Variants in G3BP1 observed in about 807,000 individuals in gnomAD.
G3BP1 encodes the protein G3BP stress granule assembly factor 1, also known as ras GTPase-activating protein-binding protein 1.
Under a neutral mutation model 58.6 loss-of-function variants are expected in G3BP1, and 35 were observed. That is an observed-to-expected ratio of 0.60 (90% CI 0.46 to 0.79). The LOEUF (loss-of-function observed/expected upper bound fraction) is 0.79, where lower values mean the gene tolerates loss of function less well. Ranked by LOEUF, G3BP1 falls within the 30% of genes least tolerant of loss-of-function variation. The pLI, the probability that G3BP1 is intolerant of heterozygous loss-of-function variation, is 0.00. For missense variants in G3BP1, 523 were observed against 580.8 expected (o/e 0.90, Z 1.02); for synonymous variants, 191 against 195.4 (o/e 0.98, Z 0.19).
At chr5:151,790,155 C>A (rs993273849) in intron 2 of G3BP1, among the ~76,000 whole-genome samples, 168 bp from the exon 3 acceptor site, 1 of 150,306 alleles carries the variant, frequency 6.7e-6, no homozygotes, top group African/African-American at 2.5e-5. Context: ...ATCATAGCCC[C>A]GGCACATCGA....
At chr5:151,791,742 C>T (rs548653473) in intron 4 of G3BP1, 60 of 180,790 alleles carry the variant, frequency 3.3e-4, no homozygotes, top group South Asian at 3.0e-3. Flanking sequence ...CTGCAACCTC[C>T]GCCTCCTGGT....
intron 1 of G3BP1, among the ~76,000 whole-genome samples, chr5:151,777,039 C>G (rs1762384334): frequency 6.6e-6 from 1 of 152,020 alleles, no homozygotes. Context: ...CAGAATCAAC[C>G]ATTTCTCCAA....
At chr5:151,795,861 A>G (rs1762740179) in intron 6 of G3BP1, among the ~76,000 whole-genome samples, 1 of 152,200 alleles carries the variant, frequency 6.6e-6, no homozygotes, top group Admixed American at 6.5e-5. Context: ...CATATTGTTT[A>G]TCAAGAGTTG....
Position 151,799,977 on chromosome 5 carries a change from C to T in G3BP1, c.932C>T (p.Pro311Leu), listed in dbSNP as rs1339102214. ...QRVREQRINI[P>L]PQRGPRPIRE... ...GTGCGAGAACAACGAATAAATATTCCTCCCCAAAGGGGACCCAGACCAAGT... is the reference window on the plus strand; with the variant it reads ...GTGCGAGAACAACGAATAAATATTCTTCCCCAAAGGGGACCCAGACCAAGT... Residue 311 changes from proline to leucine, a missense_variant, in exon 9 of 12, where the codon CCT becomes CTT. Pro to Leu is a moderately conservative substitution (Grantham distance 98). This residue lies in a region of G3BP1 where 398 missense variants were observed against 399.1 expected (regional missense o/e 1.00). Coordinates refer to ENST00000356245, the MANE Select transcript of G3BP1 (RefSeq NM_005754.3). 4 of 1,608,952 alleles carry T rather than the reference C, an allele frequency of 2.5e-6. No homozygotes were observed. In the Admixed American group the frequency reaches 6.7e-5, roughly 27 times the overall value.
chr5:151,778,170 C>G (rs1360363672), intron 1 of G3BP1, among the ~76,000 whole-genome samples: 1 of 152,164 alleles, frequency 6.6e-6, no homozygotes, highest in African/African-American at 2.4e-5. Context: ...TTTAAAGAAA[C>G]TCCCTGTTTT....
chr5:151,784,013 G>A (rs1253076365), intron 1 of G3BP1, among the ~76,000 whole-genome samples: 2 of 152,058 alleles, frequency 1.3e-5, no homozygotes, highest in African/African-American at 2.4e-5. Context: ...CGCTCGCCTC[G>A]GCCTCCGAAA....
chr5:151,787,017 A>ATTT (rs1184904343), intron 2 of G3BP1: 4 of 116,492 alleles, frequency 3.4e-5, no homozygotes, highest in South Asian at 2.6e-4. Context: ...TAATTTTTGT[A>ATTT]TTTTTTTTTT....
In G3BP1 at chr5:151,802,160, GTA is replaced by G. The variant is rs935983944; in HGVS notation, c.1194+1293_1194+1294del. ...TTGTGGTTATAACATGTCAACCTGA[GTA>G]TGCAAATATACATTATCTTTCAAAT... On this transcript the variant is annotated intron_variant, in intron 11 of 11. Coordinates refer to ENST00000356245, the MANE Select transcript of G3BP1 (RefSeq NM_005754.3). 5.9e-5 allele frequency among the ~76,000 whole-genome samples: 9 copies of G among 152,286 alleles called. No individual in the cohort carries two copies. In the East Asian group the frequency reaches 1.5e-3, roughly 26 times the overall value.
At position 151,806,817 on chromosome 5, in the gene G3BP1, A is replaced by G. The variant is rs1365209984; in HGVS notation, c.*2726A>G. On this transcript the variant is annotated 3_prime_UTR_variant, in exon 12 of 12. Coordinates refer to ENST00000356245, the MANE Select transcript of G3BP1 (RefSeq NM_005754.3). ...TTTTTTTTTAAATTTTTATTTTTAT[A>G]GAGGCAAGGTCTTGCTATGTTGTCA... 6.6e-6 allele frequency: 1 copy of G among 152,038 alleles called. No individual in the cohort carries two copies. The highest frequency in any genetic ancestry group is 1.5e-5 in the Non-Finnish European group (1 of 68,006). The allele number at this position is 152,038 out of a possible 1,614,324, so 9.4% of individuals were successfully genotyped here.
intron 11 of G3BP1, among the ~76,000 whole-genome samples, chr5:151,802,739 C>G (rs1054671360): frequency 5.9e-5 from 9 of 152,200 alleles, no homozygotes; most frequent in Non-Finnish European, 1.0e-4. Flanking sequence ...TGAGACCATC[C>G]TGGCTAACAC....
chr5:151,782,849 C>CTTTTTT (rs796501774), intron 1 of G3BP1, among the ~76,000 whole-genome samples: 1 of 73,898 alleles, frequency 1.4e-5, no homozygotes, highest in African/African-American at 5.5e-5. Context: ...TGTGACTCAT[C>CTTTTTT]TTTTTTTTTT....
chr5:151,776,977 C>T (rs1489323766), intron 1 of G3BP1, among the ~76,000 whole-genome samples: 1 of 139,132 alleles, frequency 7.2e-6, no homozygotes, highest in Non-Finnish European at 1.6e-5. Context: ...TTTTTTCTTT[C>T]ATTAATTACC....
In G3BP1 at chr5:151,793,824, C is replaced by T. The variant is rs1455143930; in HGVS notation, c.352-335C>T. On this transcript the variant is annotated intron_variant, in intron 4 of 11. Coordinates refer to ENST00000356245, the MANE Select transcript of G3BP1 (RefSeq NM_005754.3). ...TCCGGGCAATATAACAAGATCCCGT[C>T]TCTACTCAAAAAAAAAAAAAAAAAA... is the stretch of plus-strand genomic sequence containing the variant. Among the ~76,000 whole-genome samples, 4 of 124,916 alleles carry T rather than the reference C, an allele frequency of 3.2e-5. No individual in the cohort carries two copies. The East Asian group carries it at 8.8e-4, about 28-fold the overall frequency. 81.9% of individuals were successfully genotyped at this position (124,916 alleles called of 152,430 possible). A position where few individuals can be genotyped will look rare whatever the true frequency, so the allele number is the denominator to read the frequency against.
At chr5:151,790,591 T>G (rs1261450589) in intron 3 of G3BP1, among the ~76,000 whole-genome samples, 187 bp downstream of exon 3, 2 of 152,230 alleles carry the variant, frequency 1.3e-5, no homozygotes, top group Non-Finnish European at 2.9e-5. Flanking sequence ...TCAGATTTGT[T>G]AATTTTGTAT....
At chr5:151,777,844 T>A (rs1762399766) in intron 1 of G3BP1, among the ~76,000 whole-genome samples, 1 of 152,210 alleles carries the variant, frequency 6.6e-6, no homozygotes, top group Non-Finnish European at 1.5e-5. Context: ...TCCACCCTTC[T>A]CCCTGCAGGA....
chr5:151,776,341 T>C (rs900623505), intron 1 of G3BP1, among the ~76,000 whole-genome samples: 18 of 152,214 alleles, frequency 1.2e-4, no homozygotes, highest in African/African-American at 4.3e-4. Flanking sequence ...CTTTAGATAC[T>C]ATTCCTTAGA....
In G3BP1 at chr5:151,800,889, GAT is replaced by G; in HGVS notation, c.1194+21_1194+22del. 1 of 979,678 alleles carries G rather than the reference GAT, an allele frequency of 1.0e-6. No individual in the cohort carries two copies. The highest frequency in any genetic ancestry group is 1.5e-6 in the Non-Finnish European group (1 of 664,030). 60.7% of individuals were successfully genotyped at this position (979,678 alleles called of 1,614,324 possible). On this transcript the variant is annotated intron_variant, in intron 11 of 11. Coordinates refer to ENST00000356245, the MANE Select transcript of G3BP1 (RefSeq NM_005754.3). ...AACAGGGTAAGCAGCTTTTTGTCTT[GAT>G]TTTTTTTTTTTTTTTTTAAAAAGGG...
intron 6 of G3BP1, among the ~76,000 whole-genome samples, chr5:151,795,896 TG>T (rs1311786697): frequency 6.6e-6 from 1 of 152,208 alleles, no homozygotes; most frequent in Non-Finnish European, 1.5e-5. Flanking sequence ...TTAAATGCTT[TG>T]AGGGAATATG....
At chr5:151,794,968 C>G (rs779456650) in intron 5 of G3BP1, among the ~76,000 whole-genome samples, 2 of 152,184 alleles carry the variant, frequency 1.3e-5, no homozygotes, top group Non-Finnish European at 1.5e-5. Context: ...AACCAAGACA[C>G]TACAGTAGCC....
Sources: gnomAD v4.1 joint callset for allele counts (sites outside exome capture counted in the v4.1 genomes callset) on GRCh38, gnomAD v4.1.1 for gene constraint, gnomAD v4.1.1 regional missense constraint, MANE v1.5 for transcripts, NCBI Gene and HGNC (gene_info 2026-07-23, HGNC 2026-07-21) for gene names.